GLRA2: variants seen among roughly 807,000 people sequenced by gnomAD.
GLRA2 encodes glycine receptor subunit alpha-2.
Under a neutral mutation model 31.6 loss-of-function variants are expected in GLRA2, and 11 were observed. The ratio of observed to expected loss-of-function variants is 0.35; its 90% CI spans 0.22 to 0.58. GLRA2 has a LOEUF of 0.58. Among genes scored for constraint, GLRA2 ranks in the 20% least tolerant of loss-of-function variants. The probability of loss-of-function intolerance (pLI) is 0.84; values close to 1 mark genes in which losing one functional copy is unlikely to be tolerated. For missense variants in GLRA2, 212 were observed against 351.8 expected, an observed-to-expected ratio of 0.60 and a Z score of 3.18; for synonymous variants, 132 against 134.0, an observed-to-expected ratio of 0.99 and a Z score of 0.10.
At chrX:14,698,053 A>T (rs1314521195) in intron 8 of GLRA2, among the ~76,000 whole-genome samples, 1 of 111,818 alleles carries the variant, frequency 8.9e-6, no homozygotes, top group Non-Finnish European at 1.9e-5. Context: ...CAATTTACAG[A>T]TGAGGAAACT....
chrX:14,648,987 G>A (rs1265723755), intron 7 of GLRA2, among the ~76,000 whole-genome samples: 1 of 111,345 alleles, frequency 9.0e-6, no homozygotes, highest in Non-Finnish European at 1.9e-5. Flanking sequence ...AGGCCGAGGC[G>A]GGCGAATCAC....
At position 14,568,643 on chromosome X, in the gene GLRA2, A is replaced by G. The variant is rs1282510405; in HGVS notation, c.203-5690A>G. 7.6e-5 allele frequency among the ~76,000 whole-genome samples: 8 copies of G among 104,766 alleles called. No individual in the cohort carries two copies. In the Admixed American group the frequency reaches 8.2e-4, roughly 11 times the overall value. 91.0% of individuals were successfully genotyped at this position (104,766 alleles called of 115,157 possible). ...GGGAGGCGGAGGTTGCAGTGAGCCGAGATTGTGCCACTGCACTCCAGCCTG... is the reference window on the plus strand; with the variant it reads ...GGGAGGCGGAGGTTGCAGTGAGCCGGGATTGTGCCACTGCACTCCAGCCTG... On this transcript the variant is annotated intron_variant, in intron 2 of 8. Transcript: ENST00000218075.
chrX:14,466,301 C>A, the GLRA2 span, among the ~76,000 whole-genome samples: 1 of 111,105 alleles, frequency 9.0e-6, no homozygotes, highest in Non-Finnish European at 1.9e-5. Context: ...TACTCTTGAA[C>A]AACTAAATCT....
the GLRA2 span, among the ~76,000 whole-genome samples, chrX:14,476,534 C>T: frequency 9.0e-6 from 1 of 111,540 alleles, no homozygotes; most frequent in Non-Finnish European, 1.9e-5. Flanking sequence ...AGATTATTGT[C>T]ATCTCAGACA....
chrX:14,455,907 T>A, the GLRA2 span, among the ~76,000 whole-genome samples: 1 of 112,037 alleles, frequency 8.9e-6, no homozygotes, highest in African/African-American at 3.2e-5. Context: ...TTGAGTTATA[T>A]TCGTAAATGA....
chrX:14,633,064 T>A (rs893709541), intron 7 of GLRA2, among the ~76,000 whole-genome samples: 1 of 111,839 alleles, frequency 8.9e-6, no homozygotes, highest in African/African-American at 3.3e-5. Flanking sequence ...CATGGTTATG[T>A]TCCAATAAAA....
chrX:14,493,604 C>T, the GLRA2 span, among the ~76,000 whole-genome samples: 3 of 99,780 alleles, frequency 3.0e-5, no homozygotes, highest in Non-Finnish European at 5.9e-5. Context: ...TACATATATA[C>T]ACATATACAC....
rs1474569758 is a variant in GLRA2, at chrX:14,585,604, C to T, written c.494+4198C>T. 4.5e-5 allele frequency among the ~76,000 whole-genome samples: 5 copies of T among 111,287 alleles called. No homozygotes were observed. In the East Asian group the frequency reaches 8.5e-4, roughly 19 times the overall value. On this transcript the variant is annotated intron_variant, in intron 4 of 8. Transcript: ENST00000218075. ...AAAGGTGCTGAAAAGTTCCTGCTGA[C>T]GTTCCATTAGAAAGTAATTTCCCTG...
chrX:14,543,236 C>CAA (rs60906048), intron 2 of GLRA2, among the ~76,000 whole-genome samples: 553 of 23,182 alleles, frequency 0.024, 16 homozygotes, highest in African/African-American at 0.06. Flanking sequence ...TTGTCATCTG[C>CAA]AAAAAAAAAA....
chrX:14,469,783 C>T, the GLRA2 span, among the ~76,000 whole-genome samples: 13 of 106,120 alleles, frequency 1.2e-4, no homozygotes, highest in Non-Finnish European at 2.3e-4. Context: ...CAGCATGGCA[C>T]GTGTATACAT....
At chrX:14,592,307 A>G (rs2090153293) in intron 4 of GLRA2, among the ~76,000 whole-genome samples, 1 of 111,269 alleles carries the variant, frequency 9.0e-6, no homozygotes, top group African/African-American at 3.3e-5. Flanking sequence ...ACAACTCCTG[A>G]GAAGAGGAAC....
At chrX:14,602,371 GT>G (rs2090285782) in intron 4 of GLRA2, among the ~76,000 whole-genome samples, 1 of 109,758 alleles carries the variant, frequency 9.1e-6, no homozygotes, top group African/African-American at 3.3e-5. Flanking sequence ...TTGTTTGTTT[GT>G]TTGTTTGTTT....
chrX:14,469,283 G>A, the GLRA2 span, among the ~76,000 whole-genome samples: 1 of 111,603 alleles, frequency 9.0e-6, no homozygotes, highest in Non-Finnish European at 1.9e-5. Flanking sequence ...TTCTTCTAGG[G>A]TTTTTATGGT....
At chrX:14,489,882 A>G in the GLRA2 span, among the ~76,000 whole-genome samples, 1 of 111,691 alleles carries the variant, frequency 9.0e-6, no homozygotes, top group Non-Finnish European at 1.9e-5. Context: ...ATAAAAATCC[A>G]TTGCTTATCT....
the GLRA2 span, among the ~76,000 whole-genome samples, chrX:14,463,865 C>T: frequency 2.7e-5 from 3 of 111,719 alleles, no homozygotes; most frequent in South Asian, 3.8e-4. Flanking sequence ...GCTCACCCTC[C>T]GTGGGCTGCA....
intron 2 of GLRA2, among the ~76,000 whole-genome samples, chrX:14,551,172 C>T (rs775807315): frequency 1.7e-4 from 19 of 111,478 alleles, no homozygotes; most frequent in Admixed American, 2.9e-4. Context: ...GCTTTTGATT[C>T]CAGGCAGTCT....
the GLRA2 span, among the ~76,000 whole-genome samples, chrX:14,460,426 G>A: frequency 2.7e-5 from 3 of 111,591 alleles, no homozygotes; most frequent in Non-Finnish European, 5.6e-5. Flanking sequence ...TCTATTGATC[G>A]GAATAATTTC....
At chrX:14,523,097 C>T in the GLRA2 span, among the ~76,000 whole-genome samples, 1 of 112,161 alleles carries the variant, frequency 8.9e-6, no homozygotes, top group South Asian at 3.7e-4. Context: ...GTTGTTTACG[C>T]TAACCCCCTT....
At chrX:14,630,583 T>C (rs1055041254) in intron 7 of GLRA2, among the ~76,000 whole-genome samples, 16 of 111,758 alleles carry the variant, frequency 1.4e-4, no homozygotes, top group African/African-American at 5.2e-4. Context: ...TTAAATTACA[T>C]GTACATCAGG....
Sources: gnomAD v4.1 joint callset for allele counts (sites outside exome capture counted in the v4.1 genomes callset) on GRCh38, gnomAD v4.1.1 for gene constraint, MANE v1.5 for transcripts, NCBI Gene and HGNC (gene_info 2026-07-23, HGNC 2026-07-21) for gene names.